QRFPR: variants seen among roughly 807,000 people sequenced by gnomAD.
The protein encoded by QRFPR is pyroglutamylated RF-amide peptide receptor.
Under a neutral mutation model 31.3 loss-of-function variants are expected in QRFPR, and 37 were observed. That is an observed-to-expected ratio of 1.18 (90% confidence interval 0.91 to 1.56). QRFPR has a LOEUF of 1.56. QRFPR is among the 40% of genes most tolerant of loss of function. The pLI, the probability that QRFPR is intolerant of heterozygous loss-of-function variation, is 0.00. For missense variants in QRFPR, 542 were observed against 532.5 expected (o/e 1.02, Z -0.18); for synonymous variants, 197 against 192.0 (o/e 1.03, Z -0.22).
intron 1 of QRFPR, among the ~76,000 whole-genome samples, chr4:121,359,092 G>T (rs1240735822): frequency 6.6e-6 from 1 of 152,138 alleles, no homozygotes; most frequent in Non-Finnish European, 1.5e-5. Context: ...TCCACAATTA[G>T]TGTAGAGAAT....
At chr4:121,350,816 G>C (rs1725749385) in intron 1 of QRFPR, among the ~76,000 whole-genome samples, 1 of 152,120 alleles carries the variant, frequency 6.6e-6, no homozygotes, top group East Asian at 1.9e-4. Flanking sequence ...GCAGAAGTTT[G>C]AGACTTATAA....
intron 1 of QRFPR, chr4:121,370,228 G>A: frequency 1.3e-6 from 1 of 777,110 alleles, no homozygotes; most frequent in Non-Finnish European, 2.4e-6. Flanking sequence ...ATGGGTGCAG[G>A]GTCCTTGAGG....
At position 121,374,170 on chromosome 4, in the gene QRFPR, T is replaced by C. The variant is rs541506220; in HGVS notation, c.340+6138A>G. Among the ~76,000 whole-genome samples the C allele has an allele frequency of 1.6e-4, 25 of 152,292 alleles. No homozygotes were observed. The South Asian group carries it at 3.3e-3, about 20-fold the overall frequency. On this transcript the variant is annotated intron_variant, in intron 1 of 5. Coordinates refer to ENST00000394427, the MANE Select transcript of QRFPR (RefSeq NM_198179.3). ...CATTTTTGAATCCTTTCCAAATTCA[T>C]CTTGAAAGACTCTAAAAACGTTAAG...
At chr4:121,363,447 C>T (rs1331414163) in intron 1 of QRFPR, among the ~76,000 whole-genome samples, 1 of 150,214 alleles carries the variant, frequency 6.7e-6, no homozygotes, top group Non-Finnish European at 1.5e-5. Context: ...GTCTCATGTG[C>T]ATCACATGAA....
At position 121,332,827 on chromosome 4, in the gene QRFPR, A is replaced by G; in HGVS notation, c.791T>C (p.Ile264Thr). The G allele has an allele frequency of 6.2e-7, 1 of 1,609,940 alleles. No homozygotes were observed. The highest frequency in any genetic ancestry group is 8.5e-7 in the Non-Finnish European group (1 of 1,176,258). The stretch of plus-strand genomic sequence containing the variant: ...AATATTTCATTAAACAGACCTGGCT[A>G]TTTTGGACATTTCTTTTCCATGAAT... Reference protein sequence around the residue: ...RTIHGKEMSKIARKKKRAVIM... With the variant: ...RTIHGKEMSKTARKKKRAVIM... The change falls in exon 4 of 6, where the codon ATA becomes ACA. Residue 264 changes from isoleucine (I) to threonine (T), a missense_variant. Coordinates refer to ENST00000394427, the MANE Select transcript of QRFPR (RefSeq NM_198179.3).
rs1262905020 is a variant in QRFPR at position 121,340,527 on chromosome 4, C to T, written c.424G>A (p.Glu142Lys). 56 of 1,614,094 alleles carry T rather than the reference C, an allele frequency of 3.5e-5. No individual in the cohort carries two copies. The highest frequency in any genetic ancestry group is 4.7e-5 in the Non-Finnish European group (55 of 1,179,984). Residue 142 changes from glutamate (E) to lysine (K), a missense_variant, in exon 2 of 6, where the codon GAA (glutamate) becomes AAA (lysine). Glu to Lys is a moderately conservative substitution (Grantham distance 56). Coordinates refer to ENST00000394427, the MANE Select transcript of QRFPR (RefSeq NM_198179.3). ...GGATGCACAAGTCCCTGGTGCCTTT[C>T]CACAGCAATGCAGGTCATAGTGAGG... is the stretch of plus-strand genomic sequence containing the variant. ...EILTMTCIAV[E>K]RHQGLVHPFK... is the part of the protein sequence containing the mutation.
chr4:121,340,985 C>T (rs1440850698), intron 1 of QRFPR, among the ~76,000 whole-genome samples: 1 of 152,202 alleles, frequency 6.6e-6, no homozygotes, highest in African/African-American at 2.4e-5. Flanking sequence ...TTTCTTTTGG[C>T]TTCCTGGCAA....
rs1283098416 is a variant in QRFPR at position 121,340,600 on chromosome 4, A to G, written c.351T>C (p.Ile117=). 6.2e-7 allele frequency: 1 copy of G among 1,613,680 alleles called. No homozygotes were observed. Among genetic ancestry groups the G allele is most frequent in the Admixed American group, 1.7e-5 (1 of 59,978 alleles). The change falls in exon 2 of 6, where the codon ATT becomes ATC. Residue 117 remains isoleucine (I), a synonymous_variant. Coordinates refer to ENST00000394427, the MANE Select transcript of QRFPR (RefSeq NM_198179.3). ...ISDNWLGGAF[I]CKMVPFVQST... is the part of the protein sequence containing the mutation. ...ACTGGACAAATGGCACCATCTTGCA[A>G]ATGAAAGCACCTGCAGTAAGGAAAT...
intron 1 of QRFPR, among the ~76,000 whole-genome samples, chr4:121,373,191 T>C (rs375397486): frequency 6.6e-6 from 1 of 152,252 alleles, no homozygotes; most frequent in South Asian, 2.1e-4. Context: ...TTATGCCTCC[T>C]AAGTGCACAG....
intron 1 of QRFPR, among the ~76,000 whole-genome samples, chr4:121,347,160 T>G (rs893929930): frequency 2.0e-5 from 3 of 152,194 alleles, no homozygotes; most frequent in Admixed American, 2.0e-4. Context: ...GGAAATTTCT[T>G]TCTTGAGAGC....
chr4:121,340,939 G>T (rs1484273431), intron 1 of QRFPR, among the ~76,000 whole-genome samples: 1 of 152,086 alleles, frequency 6.6e-6, no homozygotes, highest in African/African-American at 2.4e-5. Flanking sequence ...CTGGCCTCCT[G>T]GGCTCTACAC....
At chr4:121,345,388 A>G (rs1408215455) in intron 1 of QRFPR, among the ~76,000 whole-genome samples, 1 of 152,178 alleles carries the variant, frequency 6.6e-6, no homozygotes, top group Non-Finnish European at 1.5e-5. Context: ...TCCTTCCAAT[A>G]CATTCTCTTC....
At chr4:121,349,143 T>C (rs1725716681) in intron 1 of QRFPR, among the ~76,000 whole-genome samples, 1 of 149,022 alleles carries the variant, frequency 6.7e-6, no homozygotes, top group Non-Finnish European at 1.5e-5. Flanking sequence ...AAAATAATTA[T>C]CTTGGTTACT....
chr4:121,360,438 C>T (rs926249710), intron 1 of QRFPR, among the ~76,000 whole-genome samples: 2 of 152,088 alleles, frequency 1.3e-5, no homozygotes, highest in African/African-American at 4.8e-5. Flanking sequence ...ATTATCACTT[C>T]GATGGACCAG....
intron 4 of QRFPR, 22 bp downstream of exon 4, chr4:121,332,799 G>T: frequency 1.3e-6 from 2 of 1,536,806 alleles, no homozygotes; most frequent in South Asian, 1.1e-5. Flanking sequence ...ATTTAAAGAG[G>T]TGAATATTTC....
chr4:121,378,552 T>C (rs75937136), intron 1 of QRFPR, among the ~76,000 whole-genome samples: 11 of 151,846 alleles, frequency 7.2e-5, no homozygotes, highest in Admixed American at 7.2e-4. Context: ...CAGCTGGGAC[T>C]ATAGGTGCGT....
intron 1 of QRFPR, among the ~76,000 whole-genome samples, chr4:121,365,518 T>A (rs918658389): frequency 0.038 from 116 of 3,092 alleles, 8 homozygotes; most frequent in East Asian, 0.25. Context: ...TAATATATAT[T>A]ATATATATTA....
In QRFPR at chr4:121,328,879, C is replaced by T. The variant is rs542366561; in HGVS notation, c.*435G>A. Among the ~76,000 whole-genome samples, 1 of 152,256 alleles carries T rather than the reference C, an allele frequency of 6.6e-6. No homozygotes were observed. Among genetic ancestry groups the T allele is most frequent in the East Asian group, 1.9e-4 (1 of 5,158 alleles). ...CACACCATTCTCCCGCCTGAGGCTC[C>T]CAAGTAGCTGGGACTACAGGTGCCC... On this transcript the variant is annotated 3_prime_UTR_variant, in exon 6 of 6. Coordinates refer to ENST00000394427, the MANE Select transcript of QRFPR (RefSeq NM_198179.3).
intron 1 of QRFPR, chr4:121,369,655 A>C (rs1726195221): frequency 5.0e-6 from 8 of 1,588,798 alleles, no homozygotes; most frequent in East Asian, 4.5e-5. Context: ...CATACTTCTG[A>C]AGGGATCTCA....
Sources: allele counts gnomAD v4.1 joint callset (sites outside exome capture counted in the v4.1 genomes callset), GRCh38; gene constraint gnomAD v4.1.1; transcripts MANE v1.5; gene names NCBI Gene and HGNC (gene_info 2026-07-23, HGNC 2026-07-21).